PATJ: variants seen among roughly 807,000 people sequenced by gnomAD.
PATJ encodes the protein inaD-like protein.
Under a neutral mutation model 224.9 loss-of-function variants are expected in PATJ, and 190 were observed. The observed-to-expected ratio is 0.84, with a 90% confidence interval of 0.75 to 0.95. The LOEUF is 0.95. PATJ is among the 40% of genes least tolerant of loss of function. PATJ has a pLI of 0.00. For synonymous variants in PATJ, 769 were observed against 820.3 expected, an observed-to-expected ratio of 0.94 and a Z score of 1.07; for missense variants, 2,121 against 2,270.3, an observed-to-expected ratio of 0.93 and a Z score of 1.34.
chr1:61,880,961 G>T (rs1241697138), intron 21 of PATJ, among the ~76,000 whole-genome samples: 3 of 152,156 alleles, frequency 2.0e-5, no homozygotes, highest in Non-Finnish European at 4.4e-5. Flanking sequence ...GGGCATGGTG[G>T]CACACACCTG....
intron 24 of PATJ, 103 bp downstream of exon 24, chr1:61,901,562 G>A: frequency 3.9e-6 from 3 of 765,818 alleles, no homozygotes; most frequent in Admixed American, 3.4e-5. Flanking sequence ...GACCGTGTGT[G>A]TACAGTTGGT....
At chr1:61,819,594 C>T (rs1354418750) in intron 14 of PATJ, among the ~76,000 whole-genome samples, 1 of 151,714 alleles carries the variant, frequency 6.6e-6, no homozygotes, top group Non-Finnish European at 1.5e-5. Flanking sequence ...CTCTCAAAAG[C>T]AGCGTGGGGC....
At chr1:62,012,839 A>G (rs746372698) in intron 28 of PATJ, among the ~76,000 whole-genome samples, 6 of 152,216 alleles carry the variant, frequency 3.9e-5, no homozygotes, top group Non-Finnish European at 7.3e-5. Flanking sequence ...AAGGCCATAA[A>G]AGAGTCTTTG....
chr1:61,968,648 G>A (rs1682509727), intron 27 of PATJ, among the ~76,000 whole-genome samples: 1 of 151,950 alleles, frequency 6.6e-6, no homozygotes, highest in Non-Finnish European at 1.5e-5. Context: ...CCATGTTGGT[G>A]TGCTGCACCC....
intron 29 of PATJ, among the ~76,000 whole-genome samples, chr1:62,036,360 G>T (rs1238111304): frequency 6.6e-6 from 1 of 152,166 alleles, no homozygotes; most frequent in Non-Finnish European, 1.5e-5. Context: ...TACAGATGAG[G>T]AAGATAATTT....
rs754596073 is a variant in PATJ, at chr1:61,927,874, A to G, written c.3670+45A>G. ...TTAGGGTAGATGCAGAACTTATTAA[A>G]TTATGTTTTAACGACTGTTGTAAAT... On this transcript the variant is annotated intron_variant, in intron 27 of 43. Transcript: ENST00000642238. 4.9e-5 allele frequency: 64 copies of G among 1,314,454 alleles called. No individual in the cohort carries two copies. In the Admixed American group the frequency reaches 1.3e-3, roughly 26 times the overall value. 81.4% of individuals were successfully genotyped at this position (1,314,454 alleles called of 1,614,324 possible).
intron 14 of PATJ, among the ~76,000 whole-genome samples, chr1:61,813,350 T>TATAC (rs1655265307): frequency 4.9e-5 from 2 of 40,740 alleles, no homozygotes; most frequent in African/African-American, 2.0e-4. Flanking sequence ...TATATATATA[T>TATAC]ATATATATAT....
intron 14 of PATJ, among the ~76,000 whole-genome samples, chr1:61,817,248 A>C (rs569048612): frequency 6.6e-6 from 1 of 152,234 alleles, no homozygotes; most frequent in Non-Finnish European, 1.5e-5. Context: ...AACATAAATT[A>C]TATATAAAAT....
intron 34 of PATJ, among the ~76,000 whole-genome samples, chr1:62,109,377 T>C (rs1473688983): frequency 6.6e-6 from 1 of 152,166 alleles, no homozygotes; most frequent in African/African-American, 2.4e-5. Context: ...ACCAGAGATA[T>C]AATTAAGGGC....
At chr1:62,105,899 C>A (rs1662851598) in intron 33 of PATJ, among the ~76,000 whole-genome samples, 1 of 150,604 alleles carries the variant, frequency 6.6e-6, no homozygotes, top group Non-Finnish European at 1.5e-5. Context: ...TGTATAGAAG[C>A]CCTTTTTTTG....
chr1:62,151,755 A>G (rs933447396), intron 42 of PATJ, among the ~76,000 whole-genome samples: 1 of 152,238 alleles, frequency 6.6e-6, no homozygotes, highest in Admixed American at 6.5e-5. Context: ...CCTCTCAGAC[A>G]TGCATGTTGC....
chr1:61,974,405 C>CTTTTT (rs149825131), intron 27 of PATJ, among the ~76,000 whole-genome samples: 25 of 64,248 alleles, frequency 3.9e-4, no homozygotes, highest in East Asian at 2.0e-3. Flanking sequence ...CTCTCTCTCT[C>CTTTTT]TTTTTTTTTT....
chr1:61,864,485 A>G lies in PATJ; in HGVS notation c.2687A>G (p.Glu896Gly), dbSNP rs1665100239. The G allele has an allele frequency of 6.2e-7, 1 of 1,614,146 alleles. No individual in the cohort carries two copies. Among genetic ancestry groups the G allele is most frequent in the Non-Finnish European group, 8.5e-7 (1 of 1,179,976 alleles). The change falls in exon 20 of 44, where the codon GAG (glutamate) becomes GGG (glycine). Residue 896 changes from glutamate to glycine, a missense_variant. Coordinates refer to ENST00000642238, the MANE Select transcript of PATJ (RefSeq NM_001350145.3). The stretch of plus-strand genomic sequence containing the variant: ...TTGTATCCCTTGTCGCACATTCAAG[A>G]GGCCACTCCTGTGCCCTCTGTGAAT... Reference protein sequence around the residue: ...MELYPLSHIQEATPVPSVNEL... With the variant: ...MELYPLSHIQGATPVPSVNEL...
intron 1 of PATJ, among the ~76,000 whole-genome samples, chr1:61,742,803 G>C (rs1193932613): frequency 6.7e-6 from 1 of 150,084 alleles, no homozygotes; most frequent in African/African-American, 2.4e-5. Context: ...GGCGGGGCGG[G>C]GGCGCCGTCC....
intron 17 of PATJ, among the ~76,000 whole-genome samples, chr1:61,845,107 C>T (rs538126437): frequency 3.9e-5 from 6 of 152,210 alleles, no homozygotes; most frequent in South Asian, 2.1e-4. Flanking sequence ...TGGGGGTCTT[C>T]GAACGTATTC....
chr1:62,090,508 C>T (rs1660599057), intron 33 of PATJ, among the ~76,000 whole-genome samples: 1 of 151,880 alleles, frequency 6.6e-6, no homozygotes, highest in South Asian at 2.1e-4. Context: ...CTCTGGAAGC[C>T]AGAAAAGAGT....
chr1:62,070,339 G>T (rs1256508808), intron 31 of PATJ, among the ~76,000 whole-genome samples: 3 of 152,062 alleles, frequency 2.0e-5, no homozygotes, highest in Admixed American at 2.0e-4. Flanking sequence ...TAAAGTAAAG[G>T]CCACAGAGTC....
Position 62,160,965 on chromosome 1 carries a change from G to C in PATJ, c.5560G>C (p.Gly1854Arg). Residue 1854 changes from glycine to arginine, a missense_variant, in exon 44 of 44, where the codon GGC becomes CGC. Transcript: ENST00000642238. ...AGGGGATCAGATTTTAGCTGTTAATGGCGAGACCCTGGAAGGTGTTACTCA... is the reference window on the plus strand; with the variant it reads ...AGGGGATCAGATTTTAGCTGTTAATCGCGAGACCCTGGAAGGTGTTACTCA... ...KRGDQILAVN[G>R]ETLEGVTHEQ... The C allele has an allele frequency of 6.2e-7, 1 of 1,613,906 alleles. No homozygotes were observed. The highest frequency in any genetic ancestry group is 1.1e-5 in the South Asian group (1 of 91,034).
chr1:62,021,540 A>G (rs1334269257), intron 29 of PATJ, among the ~76,000 whole-genome samples: 1 of 152,102 alleles, frequency 6.6e-6, no homozygotes, highest in African/African-American at 2.4e-5. Flanking sequence ...TTATTGTCCA[A>G]AATCAACAAT....
Sources: allele counts gnomAD v4.1 joint callset (sites outside exome capture counted in the v4.1 genomes callset), GRCh38; gene constraint gnomAD v4.1.1; transcripts MANE v1.5; gene names NCBI Gene and HGNC (gene_info 2026-07-23, HGNC 2026-07-21).